Variants in CPS1 observed in about 807,000 individuals in gnomAD.
CPS1 encodes the protein carbamoyl-phosphate synthase 1.
In CPS1, 109 loss-of-function variants were observed where a neutral mutation model predicts 174.6. That is an observed-to-expected ratio of 0.62 (90% CI 0.53 to 0.73). CPS1 has a LOEUF of 0.73. Ranked by LOEUF, CPS1 falls within the 30% of genes least tolerant of loss-of-function variation. The probability of loss-of-function intolerance (pLI) is 0.00; values close to 1 mark genes in which losing one functional copy is unlikely to be tolerated. For synonymous variants in CPS1, 637 were observed against 632.0 expected, an observed-to-expected ratio of 1.01 and a Z score of -0.12; for missense variants, 1,689 against 1,821.9, an observed-to-expected ratio of 0.93 and a Z score of 1.33.
chr2:210,625,462 A>G (rs1699670507), intron 21 of CPS1, among the ~76,000 whole-genome samples: 1 of 152,100 alleles, frequency 6.6e-6, no homozygotes, highest in African/African-American at 2.4e-5. Flanking sequence ...CTCGATGTAC[A>G]GTTTTTAGGA....
chr2:210,506,836 A>C (rs1238976389), intron 1 of CPS1, among the ~76,000 whole-genome samples: 1 of 152,216 alleles, frequency 6.6e-6, no homozygotes, highest in Non-Finnish European at 1.5e-5. Context: ...AAAAAAGAAT[A>C]AAAAGAAATG....
intron 1 of CPS1, among the ~76,000 whole-genome samples, chr2:210,508,880 A>G (rs1695366763): frequency 6.6e-6 from 1 of 152,218 alleles, no homozygotes; most frequent in Non-Finnish European, 1.5e-5. Context: ...AAATTGAGGC[A>G]ATAATTAATA....
chr2:210,576,319 T>C, intron 2 of CPS1, 27 bp from the exon 3 acceptor site: 2 of 1,612,598 alleles, frequency 1.2e-6, no homozygotes, highest in South Asian at 1.1e-5. Flanking sequence ...CATTATTTGC[T>C]GATAATTTTT....
intron 20 of CPS1, 100 bp downstream of exon 20, chr2:210,612,393 AG>A (rs1699161930): frequency 6.9e-7 from 1 of 1,444,286 alleles, no homozygotes; most frequent in East Asian, 2.3e-5. Flanking sequence ...GTTTTAAATC[AG>A]GGATTTTTGG....
chr2:210,628,661 G>A (rs966081304), intron 21 of CPS1, among the ~76,000 whole-genome samples: 3 of 152,038 alleles, frequency 2.0e-5, no homozygotes, highest in East Asian at 1.9e-4. Context: ...TTAGCTGGGC[G>A]TGGTGGCAGG....
chr2:210,584,872 A>T (rs1339817344), intron 6 of CPS1, among the ~76,000 whole-genome samples: 2 of 151,946 alleles, frequency 1.3e-5, no homozygotes, highest in East Asian at 3.9e-4. Flanking sequence ...CCTGTGAACC[A>T]ATTTTCTATT....
At chr2:210,602,123 T>TTGCCAGACTCTCTTGGTGTGGTCTG in intron 15 of CPS1, 79 bp from the exon 16 acceptor site, 4 of 1,571,898 alleles carry the variant, frequency 2.5e-6, no homozygotes, top group Non-Finnish European at 3.5e-6. Context: ...GTTTACCTGA[T>TTGCCAGACTCTCTTGGTGTGGTCTG]TGCCAGACTC....
At chr2:210,506,681 A>G (rs1194617867) in intron 1 of CPS1, among the ~76,000 whole-genome samples, 1 of 152,228 alleles carries the variant, frequency 6.6e-6, no homozygotes, top group African/African-American at 2.4e-5. Flanking sequence ...GAAGTCCTTA[A>G]AGGACCTGAT....
At position 210,674,907 on chromosome 2, in the gene CPS1, A is replaced by G. The variant is rs1701471224; in HGVS notation, c.4107A>G (p.Ser1369=). ...QKGILIGIQQ[S]FRPRFLGVAE... ...TTTGTGAAATTCCTTTTCAGCAATC[A>G]TTCCGGCCAAGATTCCTTGGTGTGG... The change falls in exon 35 of 38, where the codon TCA becomes TCG. Residue 1369 remains serine, a synonymous_variant. Coordinates refer to ENST00000233072, the MANE Select transcript of CPS1 (RefSeq NM_001875.5). 6.2e-7 allele frequency: 1 copy of G among 1,613,720 alleles called. No individual in the cohort carries two copies. Among genetic ancestry groups the G allele is most frequent in the Non-Finnish European group, 8.5e-7 (1 of 1,179,614 alleles).
At chr2:210,621,736 G>A (rs1365874821) in intron 21 of CPS1, among the ~76,000 whole-genome samples, 2 of 151,976 alleles carry the variant, frequency 1.3e-5, no homozygotes, top group Non-Finnish European at 2.9e-5. Context: ...TCACCAACTA[G>A]GTTCTTCTGA....
rs538300887 is a variant in CPS1, at chr2:210,573,422, T to C, written c.236+15T>C. On this transcript the variant is annotated intron_variant, in intron 2 of 37. Transcript: ENST00000233072. ...GGCCTGGGAGGGTGAGTAATGCTTT[T>C]CCAAGGCTTTATTTTTCCTCTAGTA... 3.1e-5 allele frequency: 49 copies of C among 1,572,354 alleles called. No individual in the cohort carries two copies. The highest frequency in any genetic ancestry group is 8.4e-5 in the Admixed American group (5 of 59,814).
chr2:210,655,075 CTTT>C (rs35970365), intron 29 of CPS1, among the ~76,000 whole-genome samples: 11,691 of 152,016 alleles, frequency 0.077, 448 homozygotes, highest in Middle Eastern at 0.11. Context: ...ATTGTGGTCA[CTTT>C]TTTTTGACAT....
intron 21 of CPS1, among the ~76,000 whole-genome samples, chr2:210,622,412 G>T (rs889744156): frequency 8.6e-5 from 13 of 151,640 alleles, no homozygotes; most frequent in Admixed American, 6.6e-5. Flanking sequence ...AAACAGGTTT[G>T]CTTGGGGTAT....
intron 10 of CPS1, 109 bp from the exon 11 acceptor site, chr2:210,592,770 A>C (rs760598058): frequency 5.6e-6 from 6 of 1,079,682 alleles, no homozygotes; most frequent in African/African-American, 3.1e-5. Context: ...TTTGTTAAGC[A>C]TCTAACTCAG....
At chr2:210,657,823 T>C (rs576852676) in intron 30 of CPS1, among the ~76,000 whole-genome samples, 12 of 152,106 alleles carry the variant, frequency 7.9e-5, no homozygotes, top group African/African-American at 2.4e-4. Context: ...GCAGAAGCAT[T>C]AAAGAAAAAA....
chr2:210,628,102 AT>A (rs1699748292), intron 21 of CPS1, among the ~76,000 whole-genome samples: 4 of 152,164 alleles, frequency 2.6e-5, no homozygotes, highest in Admixed American at 2.6e-4. Context: ...TATAATGATG[AT>A]AATGTAATGG....
intron 30 of CPS1, among the ~76,000 whole-genome samples, chr2:210,657,096 T>C (rs1700733851): frequency 6.6e-6 from 1 of 152,160 alleles, no homozygotes; most frequent in African/African-American, 2.4e-5. Context: ...GCAATGCTTC[T>C]CAGTTAGGAG....
intron 5 of CPS1, among the ~76,000 whole-genome samples, chr2:210,580,030 G>A (rs1050898862): frequency 5.3e-5 from 8 of 152,112 alleles, no homozygotes; most frequent in South Asian, 4.1e-4. Flanking sequence ...CCCACTATGT[G>A]TTCATTATAC....
intron 1 of CPS1, among the ~76,000 whole-genome samples, chr2:210,503,916 T>C (rs1005790806): frequency 6.6e-6 from 1 of 152,200 alleles, no homozygotes; most frequent in Non-Finnish European, 1.5e-5. Context: ...AATAATAGGG[T>C]GTGCTTCTCT....
Sources: gnomAD v4.1 joint callset for allele counts (sites outside exome capture counted in the v4.1 genomes callset) on GRCh38, gnomAD v4.1.1 for gene constraint, MANE v1.5 for transcripts, NCBI Gene and HGNC (gene_info 2026-07-23, HGNC 2026-07-21) for gene names.